Variants in TLN2 observed in about 807,000 individuals in gnomAD.
TLN2 encodes the protein talin 2.
In TLN2, 118 loss-of-function variants were observed where a neutral mutation model predicts 294.7. That is an observed-to-expected ratio of 0.40 (90% confidence interval 0.34 to 0.47). The LOEUF (loss-of-function observed/expected upper bound fraction) is 0.47. Among genes scored for constraint, TLN2 ranks in the 20% least tolerant of loss-of-function variants. The probability of loss-of-function intolerance (pLI) is 0.84; values close to 1 mark genes in which losing one functional copy is unlikely to be tolerated. For missense variants in TLN2, 3,083 were observed against 3,282.2 expected, an observed-to-expected ratio of 0.94 and a Z score of 1.48; for synonymous variants, 1,431 against 1,304.5, an observed-to-expected ratio of 1.10 and a Z score of -2.09.
At position 62,716,430 on chromosome 15, in the gene TLN2, A is replaced by G. The variant is rs1368201344; in HGVS notation, c.2734A>G (p.Ile912Val). The change falls in exon 23 of 59, where the codon ATT becomes GTT. Residue 912 changes from isoleucine to valine, a missense_variant. Ile to Val is a conservative substitution (Grantham distance 29). Coordinates refer to ENST00000636159, the MANE Select transcript of TLN2 (RefSeq NM_015059.3). ...VATNAAAQNA[I>V]KKKIVNRLEV... ...AACCAACGCAGCTGCCCAGAATGCT[A>G]TTAAGAAAAAAATTGTCAACCGACT... 1.1e-5 allele frequency: 17 copies of G among 1,608,542 alleles called. No individual in the cohort carries two copies. Among genetic ancestry groups the G allele is most frequent in the Non-Finnish European group, 1.4e-5 (17 of 1,177,740 alleles).
In TLN2 at chr15:62,708,401, G is replaced by A. The variant is rs527361935; in HGVS notation, c.2173-101G>A. The A allele has an allele frequency of 4.4e-4, 551 of 1,250,436 alleles. 5 individuals are homozygous for A. Among genetic ancestry groups the A allele is most frequent in the African/African-American group, 3.0e-3 (198 of 67,034 alleles). The allele number at this position is 1,250,436 out of a possible 1,614,324, so 77.5% of individuals were successfully genotyped here. A position where few individuals can be genotyped will look rare whatever the true frequency, so the allele number is the denominator to read the frequency against. The stretch of plus-strand genomic sequence containing the variant: ...GCAGTGGTCCTGTAAGTAAGAAACC[G>A]AGGCCCAGAGCAGGAAGGGCTTTGA... On this transcript the variant is annotated intron_variant, in intron 20 of 58. Transcript: ENST00000636159.
Position 62,792,730 on chromosome 15 carries a change from C to T in TLN2, c.5826C>T (p.Pro1942=). 6.2e-7 allele frequency: 1 copy of T among 1,614,072 alleles called. No homozygotes were observed. The highest frequency in any genetic ancestry group is 1.3e-5 in the African/African-American group (1 of 75,046). The change falls in exon 46 of 59, where the codon CCC becomes CCT. Residue 1942 remains proline, a synonymous_variant. Coordinates refer to ENST00000636159, the MANE Select transcript of TLN2 (RefSeq NM_015059.3). ...VQKAGALQVC[P]TDSYTKRELI... ...AGGCAGGGGCCCTCCAGGTCTGCCC[C>T]ACAGACAGCTACACCAAGAGGGAGC...
intron 27 of TLN2, among the ~76,000 whole-genome samples, chr15:62,726,860 G>A (rs1205695003): frequency 6.6e-6 from 1 of 152,166 alleles, no homozygotes; most frequent in Admixed American, 6.5e-5. Flanking sequence ...TCAGTCTCAT[G>A]CTAGTAATTG....
chr15:62,549,281 C>T (rs1427739796), intron 1 of TLN2, among the ~76,000 whole-genome samples: 1 of 152,140 alleles, frequency 6.6e-6, no homozygotes, highest in Admixed American at 6.5e-5. Flanking sequence ...AATCACAAAT[C>T]ATGTGGGATC....
chr15:62,446,034 A>C (rs2035804469), intron 1 of TLN2, among the ~76,000 whole-genome samples: 1 of 150,876 alleles, frequency 6.6e-6, no homozygotes. Context: ...TTTGAGACAG[A>C]GTCTCACTGT....
intron 1 of TLN2, among the ~76,000 whole-genome samples, chr15:62,420,421 G>A (rs181807064): frequency 2.9e-4 from 44 of 151,734 alleles, no homozygotes; most frequent in Middle Eastern, 6.8e-3. Context: ...TTTTGAAATG[G>A]AGTGTCGCTC....
At chr15:62,570,565 C>T (rs2043783464) in intron 1 of TLN2, among the ~76,000 whole-genome samples, 1 of 152,174 alleles carries the variant, frequency 6.6e-6, no homozygotes, top group Admixed American at 6.5e-5. Flanking sequence ...TTTCCCTCCC[C>T]TCTCTGAACA....
chr15:62,708,374 G>A (rs928922263), intron 20 of TLN2, 128 bp from the exon 21 acceptor site: 10 of 892,436 alleles, frequency 1.1e-5, no homozygotes, highest in African/African-American at 8.3e-5. Flanking sequence ...GTAAGAAACC[G>A]AGCAGTGGTC....
chr15:62,468,744 CAA>C (rs72096398), intron 1 of TLN2, among the ~76,000 whole-genome samples: 1 of 116,732 alleles, frequency 8.6e-6, no homozygotes, highest in Non-Finnish European at 1.8e-5. Context: ...GACTCTGTCT[CAA>C]AAAAAAAATA....
intron 1 of TLN2, among the ~76,000 whole-genome samples, chr15:62,477,149 C>A (rs2037825419): frequency 6.6e-6 from 1 of 152,190 alleles, no homozygotes; most frequent in African/African-American, 2.4e-5. Context: ...AGTAAACTGT[C>A]ATGCTATTTG....
At position 62,775,817 on chromosome 15, in the gene TLN2, A is replaced by T. The variant is rs111304018; in HGVS notation, c.5368-947A>T. On this transcript the variant is annotated intron_variant, in intron 42 of 58. Transcript: ENST00000636159. ...AGACCCAGTGCCTGGATGTAATGCA[A>T]TTCCGACCCTGAAACCTGACATCAG... Among the ~76,000 whole-genome samples the T allele has an allele frequency of 3.8e-3, 582 of 152,358 alleles. 4 individuals carry two copies. The highest frequency in any genetic ancestry group is 0.014 in the African/African-American group (565 of 41,588).
chr15:62,542,223 G>A (rs1393804456), intron 1 of TLN2, among the ~76,000 whole-genome samples: 3 of 151,880 alleles, frequency 2.0e-5, no homozygotes, highest in African/African-American at 4.8e-5. Flanking sequence ...AGAGAGTCTC[G>A]CTCTTTCGCC....
At chr15:62,473,437 G>A (rs2037605159) in intron 1 of TLN2, among the ~76,000 whole-genome samples, 1 of 151,950 alleles carries the variant, frequency 6.6e-6, no homozygotes, top group Non-Finnish European at 1.5e-5. Context: ...GAACATCTGC[G>A]GAGCCAACAA....
intron 27 of TLN2, among the ~76,000 whole-genome samples, chr15:62,726,399 C>G (rs1049422982): frequency 1.3e-5 from 2 of 152,124 alleles, no homozygotes; most frequent in Admixed American, 1.3e-4. Context: ...CTTCCAAAAC[C>G]TCATCTAGTA....
At chr15:62,582,225 CACACACACACACACACACA>C (rs2140696271) in intron 1 of TLN2, among the ~76,000 whole-genome samples, 2 of 145,276 alleles carry the variant, frequency 1.4e-5, no homozygotes, top group East Asian at 4.3e-4. Context: ...CACACACACA[CACACACACACACACACACA>C]CACATTCATG....
intron 1 of TLN2, among the ~76,000 whole-genome samples, chr15:62,407,597 C>T (rs931428080): frequency 2.6e-5 from 4 of 152,104 alleles, no homozygotes; most frequent in African/African-American, 7.2e-5. Flanking sequence ...TGGCTTGCGT[C>T]GGAATCCCTA....
At chr15:62,788,366 T>C (rs369753096) in intron 45 of TLN2, among the ~76,000 whole-genome samples, 2 of 152,132 alleles carry the variant, frequency 1.3e-5, no homozygotes, top group Non-Finnish European at 2.9e-5. Flanking sequence ...TAAAACAAAA[T>C]GTTCTGGGAA....
intron 1 of TLN2, among the ~76,000 whole-genome samples, chr15:62,523,934 C>T (rs2040597303): frequency 6.6e-6 from 1 of 152,238 alleles, no homozygotes; most frequent in Admixed American, 6.5e-5. Flanking sequence ...CTGGGAAGAG[C>T]TCAGTCTTGG....
chr15:62,841,320 G>A lies in TLN2; in HGVS notation c.*710G>A, dbSNP rs1388471730. ...AAGGCCGTCGGGGCTTGGTGAGCAG[G>A]GGCTGTAATACAGTCTGTGGGCTCC... On this transcript the variant is annotated 3_prime_UTR_variant, in exon 59 of 59. Coordinates refer to ENST00000636159, the MANE Select transcript of TLN2 (RefSeq NM_015059.3). 3 of 152,582 alleles carry A rather than the reference G, an allele frequency of 2.0e-5. No individual in the cohort carries two copies. The highest frequency in any genetic ancestry group is 7.2e-5 in the African/African-American group (3 of 41,432). The allele number at this position is 152,582 out of a possible 1,614,324, so 9.5% of individuals were successfully genotyped here.
Sources: allele counts gnomAD v4.1 joint callset (sites outside exome capture counted in the v4.1 genomes callset), GRCh38; gene constraint gnomAD v4.1.1; transcripts MANE v1.5; gene names NCBI Gene and HGNC (gene_info 2026-07-23, HGNC 2026-07-21).